MYO1B: variants seen among roughly 807,000 people sequenced by gnomAD.
MYO1B encodes unconventional myosin-Ib.
Under a neutral mutation model 159.7 loss-of-function variants are expected in MYO1B, and 72 were observed. The ratio of observed to expected loss-of-function variants is 0.45; its 90% confidence interval spans 0.37 to 0.55. The LOEUF is 0.55. MYO1B is among the 20% of genes least tolerant of loss of function. The pLI, the probability that MYO1B is intolerant of heterozygous loss-of-function variation, is 0.00. For synonymous variants in MYO1B, 468 were observed against 473.8 expected (o/e 0.99, Z 0.16); for missense variants, 1,062 against 1,364.8 (o/e 0.78, Z 3.50).
intron 1 of MYO1B, among the ~76,000 whole-genome samples, chr2:191,252,428 T>C (rs1246006185): frequency 6.6e-6 from 1 of 152,254 alleles, no homozygotes; most frequent in African/African-American, 2.4e-5. Context: ...GTCTCTTGAG[T>C]ATCTGTAATT....
chr2:191,294,850 A>G (rs2125807720), intron 2 of MYO1B, among the ~76,000 whole-genome samples: 1 of 152,202 alleles, frequency 6.6e-6, no homozygotes, highest in East Asian at 1.9e-4. Flanking sequence ...GTCCTTCATA[A>G]TTAATATCAT....
chr2:191,416,297 G>A, intron 30 of MYO1B, 55 bp downstream of exon 30: 1 of 1,602,254 alleles, frequency 6.2e-7, no homozygotes, highest in Non-Finnish European at 8.5e-7. Flanking sequence ...TTTTGTTTTA[G>A]TTCAGCTCTC....
intron 29 of MYO1B, 107 bp from the exon 30 acceptor site, chr2:191,416,008 G>C: frequency 8.1e-7 from 1 of 1,233,202 alleles, no homozygotes; most frequent in Non-Finnish European, 1.1e-6. Context: ...ATGGATTCCA[G>C]GATCTGATGT....
chr2:191,362,202 G>T, intron 8 of MYO1B, 66 bp from the exon 9 acceptor site: 1 of 1,222,340 alleles, frequency 8.2e-7, no homozygotes, highest in East Asian at 2.4e-5. Flanking sequence ...AGATATCAAA[G>T]GGAATGAGAT....
At chr2:191,333,053 A>G (rs1290515594) in intron 4 of MYO1B, among the ~76,000 whole-genome samples, 1 of 152,232 alleles carries the variant, frequency 6.6e-6, no homozygotes, top group Non-Finnish European at 1.5e-5. Context: ...AAAAACACTG[A>G]ATAGGACTGG....
intron 3 of MYO1B, among the ~76,000 whole-genome samples, chr2:191,311,741 TATA>T (rs1420952763): frequency 6.6e-6 from 1 of 152,206 alleles, no homozygotes; most frequent in Non-Finnish European, 1.5e-5. Flanking sequence ...GTTACTGAAG[TATA>T]AAGATGTTAA....
rs562577205 is a variant in MYO1B, at chr2:191,342,718, A to G, written c.451+1153A>G. Among the ~76,000 whole-genome samples the G allele has an allele frequency of 3.3e-5, 5 of 152,210 alleles. No homozygotes were observed. The East Asian group carries it at 5.8e-4, about 18-fold the overall frequency. On this transcript the variant is annotated intron_variant, in intron 5 of 30. Coordinates refer to ENST00000392318, the MANE Select transcript of MYO1B (RefSeq NM_001130158.3). The stretch of plus-strand genomic sequence containing the variant: ...AAAAATTAGCTGGGCGTGGTGGCAC[A>G]TGCCTGTAATCCCAGCTACTTGGGA...
intron 4 of MYO1B, among the ~76,000 whole-genome samples, chr2:191,332,006 T>A (rs1185690638): frequency 6.6e-6 from 1 of 152,178 alleles, no homozygotes; most frequent in Non-Finnish European, 1.5e-5. Context: ...CTTATAGCCC[T>A]GGCTGGAGTG....
chr2:191,345,039 T>C (rs1692479423), intron 5 of MYO1B, among the ~76,000 whole-genome samples: 1 of 152,134 alleles, frequency 6.6e-6, no homozygotes, highest in Non-Finnish European at 1.5e-5. Flanking sequence ...TCTAATCTGC[T>C]CCCTGTTTAA....
intron 2 of MYO1B, among the ~76,000 whole-genome samples, chr2:191,283,636 C>T (rs1688194961): frequency 6.6e-6 from 1 of 152,144 alleles, no homozygotes; most frequent in Non-Finnish European, 1.5e-5. Context: ...GAAACCGAGG[C>T]TCATAAAGGC....
At position 191,333,292 on chromosome 2, in the gene MYO1B, T is replaced by C. The variant is rs896139502; in HGVS notation, c.346+3263T>C. ...ATGTATTTACTGCCTGTCTGACATC[T>C]CTACTTGGGGTCTAACATGCATCTC... On this transcript the variant is annotated intron_variant, in intron 4 of 30. Transcript: ENST00000392318. Among the ~76,000 whole-genome samples the C allele has an allele frequency of 5.3e-5, 8 of 152,274 alleles. No individual in the cohort carries two copies. The East Asian group carries it at 9.7e-4, about 18-fold the overall frequency.
At chr2:191,393,308 CA>C in intron 20 of MYO1B, 86 bp downstream of exon 20, 1 of 1,434,334 alleles carries the variant, frequency 7.0e-7, no homozygotes, top group Non-Finnish European at 9.5e-7. Context: ...GTGATTTTTA[CA>C]TACTTAATTC....
chr2:191,414,474 A>C (rs768477729), intron 28 of MYO1B, 43 bp from the exon 29 acceptor site: 1 of 1,537,482 alleles, frequency 6.5e-7, no homozygotes, highest in Non-Finnish European at 8.8e-7. Flanking sequence ...ATTTTTGAGT[A>C]TTTGTGATCA....
intron 3 of MYO1B, among the ~76,000 whole-genome samples, chr2:191,308,815 T>G (rs1473058477): frequency 6.6e-6 from 1 of 152,220 alleles, no homozygotes; most frequent in East Asian, 1.9e-4. Context: ...ATCCTCTTCT[T>G]CCTTTATCAG....
chr2:191,260,523 T>A (rs10207191), intron 1 of MYO1B, among the ~76,000 whole-genome samples: 151,523 of 152,050 alleles, frequency 1, 75,500 homozygotes, highest in Non-Finnish European at 1. Flanking sequence ...ACATATTTTT[T>A]TTGAAGAGAG....
At chr2:191,274,668 T>C (rs1373327162) in intron 1 of MYO1B, among the ~76,000 whole-genome samples, 1 of 152,210 alleles carries the variant, frequency 6.6e-6, no homozygotes. Context: ...GATTCAAATG[T>C]TAATTTATTG....
At chr2:191,401,201 A>G (rs898017446) in intron 23 of MYO1B, among the ~76,000 whole-genome samples, 1 of 152,012 alleles carries the variant, frequency 6.6e-6, no homozygotes, top group African/African-American at 2.4e-5. Flanking sequence ...GGAATGTTCA[A>G]GTTTGGGCTT....
At chr2:191,375,263 A>G (rs1458092071) in intron 13 of MYO1B, among the ~76,000 whole-genome samples, 1 of 152,222 alleles carries the variant, frequency 6.6e-6, no homozygotes, top group Non-Finnish European at 1.5e-5. Flanking sequence ...GGCAAGAGTC[A>G]TTGTAGTCTG....
At chr2:191,254,123 C>T (rs1686290523) in intron 1 of MYO1B, among the ~76,000 whole-genome samples, 1 of 152,198 alleles carries the variant, frequency 6.6e-6, no homozygotes, top group Non-Finnish European at 1.5e-5. Flanking sequence ...CCTGTGTTTG[C>T]TGTGGGAGCC....
Sources: gnomAD v4.1 joint callset for allele counts (sites outside exome capture counted in the v4.1 genomes callset) on GRCh38, gnomAD v4.1.1 for gene constraint, MANE v1.5 for transcripts, NCBI Gene and HGNC (gene_info 2026-07-23, HGNC 2026-07-21) for gene names.